The following GRIA4 variants were observed in gnomAD, a reference collection of about 807,000 sequenced individuals.
GRIA4 encodes the protein glutamate ionotropic receptor AMPA type subunit 4, also known as glutamate receptor 4.
A neutral mutation model predicts 104.0 loss-of-function variants in GRIA4; 34 were observed. That is an observed-to-expected ratio of 0.33 (90% confidence interval 0.25 to 0.44). GRIA4 has a LOEUF of 0.44. Ranked by LOEUF, GRIA4 falls within the 20% of genes least tolerant of loss-of-function variation. The pLI, the probability that GRIA4 is intolerant of heterozygous loss-of-function variation, is 1.00. For synonymous variants in GRIA4, 386 were observed against 381.9 expected (o/e 1.01, Z -0.13); for missense variants, 750 against 1,096.5 (o/e 0.68, Z 4.46).
chr11:105,611,069 G>C lies in GRIA4; in HGVS notation c.72G>C (p.Pro24=), dbSNP rs957571829. The C allele has an allele frequency of 1.2e-6, 2 of 1,612,758 alleles. No individual in the cohort carries two copies. The highest frequency in any genetic ancestry group is 3.3e-5 in the Admixed American group (2 of 59,990). Residue 24 remains proline, a synonymous_variant, in exon 2 of 17, where the codon CCG becomes CCC. Coordinates refer to ENST00000282499, the MANE Select transcript of GRIA4 (RefSeq NM_000829.4). The part of the protein sequence containing the change: ...GFWGLAMGAF[P]SSVQIGGLFI... ...GGGGACTCGCCATGGGAGCCTTTCC[G>C]AGCAGCGTGCAAATAGGTAAGGTGT...
intron 3 of GRIA4, among the ~76,000 whole-genome samples, chr11:105,673,017 T>C (rs963903916): frequency 1.3e-5 from 2 of 152,138 alleles, no homozygotes; most frequent in Admixed American, 6.6e-5. Flanking sequence ...TTAACTTCCC[T>C]GATTAAACCA....
intron 4 of GRIA4, among the ~76,000 whole-genome samples, chr11:105,809,051 G>A (rs570362363): frequency 1.3e-5 from 2 of 152,172 alleles, no homozygotes; most frequent in Middle Eastern, 3.4e-3. Flanking sequence ...TTCATTAATT[G>A]TGACAAATAT....
In GRIA4 at chr11:105,971,918, C is replaced by T. The variant is rs147440204; in HGVS notation, c.2299C>T (p.Pro767Ser). ...ATPKGSSLRTPVNLAVLKLSE... is the reference protein window; with the variant it reads ...ATPKGSSLRTSVNLAVLKLSE... ...TATGTTATTTTCCACGTGAAGAACT[C>T]CTGTAAACCTTGCCGTTTTGAAACT... Residue 767 changes from proline to serine, a missense_variant, in exon 15 of 17, where the codon CCT becomes TCT. Physicochemically the swap from Pro to Ser is moderately conservative, Grantham distance 74 (BLOSUM62 -1). Around this residue, in one of 3 missense-constraint regions of GRIA4, gnomAD observed 272 missense variants for 524.5 expected, o/e 0.52. Coordinates refer to ENST00000282499, the MANE Select transcript of GRIA4 (RefSeq NM_000829.4). The T allele has an allele frequency of 5.7e-6, 9 of 1,584,926 alleles. No individual in the cohort carries two copies. Among genetic ancestry groups the T allele is most frequent in the African/African-American group, 5.4e-5 (4 of 74,276 alleles).
intron 3 of GRIA4, among the ~76,000 whole-genome samples, chr11:105,661,528 A>G (rs1952009792): frequency 1.3e-5 from 2 of 151,860 alleles, no homozygotes; most frequent in Non-Finnish European, 3.0e-5. Flanking sequence ...GATGAAATCA[A>G]GAAATGCATT....
chr11:105,675,116 G>C (rs994391049), intron 3 of GRIA4, among the ~76,000 whole-genome samples: 1 of 151,798 alleles, frequency 6.6e-6, no homozygotes, highest in East Asian at 1.9e-4. Flanking sequence ...ACTCAGAAAA[G>C]GTAGTCAATT....
At chr11:105,774,980 G>A (rs1033766627) in intron 4 of GRIA4, among the ~76,000 whole-genome samples, 4 of 152,182 alleles carry the variant, frequency 2.6e-5, no homozygotes, top group African/African-American at 7.2e-5. Context: ...GTTTCGCTAG[G>A]CTAAAATTAA....
chr11:105,785,483 G>A (rs1414976489), intron 4 of GRIA4, among the ~76,000 whole-genome samples: 1 of 152,100 alleles, frequency 6.6e-6, no homozygotes, highest in East Asian at 1.9e-4. Flanking sequence ...TTGCTATAAA[G>A]TACCAATGGG....
intron 5 of GRIA4, among the ~76,000 whole-genome samples, chr11:105,881,743 A>G (rs1360855971): frequency 6.6e-6 from 1 of 152,092 alleles, no homozygotes; most frequent in Non-Finnish European, 1.5e-5. Context: ...ACACACACAG[A>G]CCTACACACA....
intron 4 of GRIA4, among the ~76,000 whole-genome samples, chr11:105,786,814 T>C (rs752043085): frequency 6.6e-6 from 1 of 152,200 alleles, no homozygotes; most frequent in Non-Finnish European, 1.5e-5. Flanking sequence ...CTAGCAATTA[T>C]ACTGTGAATT....
At chr11:105,712,497 A>G (rs992740672) in intron 3 of GRIA4, among the ~76,000 whole-genome samples, 1 of 152,066 alleles carries the variant, frequency 6.6e-6, no homozygotes, top group African/African-American at 2.4e-5. Context: ...TAAATGGAAA[A>G]GGGATAAGAT....
chr11:105,676,784 A>C (rs1165949478), intron 3 of GRIA4, among the ~76,000 whole-genome samples: 1 of 142,916 alleles, frequency 7.0e-6, no homozygotes, highest in East Asian at 2.1e-4. Context: ...GAGTGAAGAA[A>C]AGGAAGTGAC....
intron 5 of GRIA4, among the ~76,000 whole-genome samples, chr11:105,876,411 C>A (rs992068043): frequency 6.6e-6 from 1 of 152,160 alleles, no homozygotes; most frequent in African/African-American, 2.4e-5. Context: ...GTGGAGAGTT[C>A]TGTAGATGTC....
At chr11:105,894,800 T>TGCAAAAGAACC (rs1297247317) in intron 6 of GRIA4, among the ~76,000 whole-genome samples, 125 of 102,436 alleles carry the variant, frequency 1.2e-3, no homozygotes, top group Admixed American at 2.8e-3. Context: ...TATTTTTTTT[T>TGCAAAAGAACC]TTTTTTTTTT....
At chr11:105,769,236 A>G (rs1049325628) in intron 4 of GRIA4, among the ~76,000 whole-genome samples, 1 of 152,086 alleles carries the variant, frequency 6.6e-6, no homozygotes, top group African/African-American at 2.4e-5. Context: ...AGATAACCAT[A>G]CAGCAATGTA....
intron 3 of GRIA4, among the ~76,000 whole-genome samples, chr11:105,729,165 G>A (rs541207212): frequency 6.6e-6 from 1 of 152,204 alleles, no homozygotes; most frequent in Non-Finnish European, 1.5e-5. Context: ...AAATGATAAA[G>A]GGGAGATTAC....
At chr11:105,630,558 T>C (rs1033992421) in intron 3 of GRIA4, among the ~76,000 whole-genome samples, 1 of 151,630 alleles carries the variant, frequency 6.6e-6, no homozygotes, top group African/African-American at 2.4e-5. Flanking sequence ...GCAAGACTCC[T>C]TCTAGGAAAA....
chr11:105,831,259 A>C (rs1207600794), intron 4 of GRIA4, among the ~76,000 whole-genome samples: 1 of 151,978 alleles, frequency 6.6e-6, no homozygotes, highest in Non-Finnish European at 1.5e-5. Flanking sequence ...GGCTTTCTTA[A>C]AGCATGACAT....
At chr11:105,949,930 C>T (rs1323352549) in intron 14 of GRIA4, among the ~76,000 whole-genome samples, 2 of 152,156 alleles carry the variant, frequency 1.3e-5, no homozygotes, top group Non-Finnish European at 2.9e-5. Context: ...ACTAGCCAAT[C>T]AACTTTAGGC....
chr11:105,916,998 T>C (rs748160303), intron 10 of GRIA4, among the ~76,000 whole-genome samples: 1 of 152,220 alleles, frequency 6.6e-6, no homozygotes, highest in Non-Finnish European at 1.5e-5. Context: ...TAATAACTAT[T>C]AATATTTTAT....
Sources: allele counts gnomAD v4.1 joint callset (sites outside exome capture counted in the v4.1 genomes callset), GRCh38; gene constraint gnomAD v4.1.1; regional missense constraint gnomAD v4.1.1; transcripts MANE v1.5; gene names NCBI Gene and HGNC (gene_info 2026-07-23, HGNC 2026-07-21).